Variants in SDK1 observed in about 807,000 individuals in gnomAD.
SDK1 encodes protein sidekick-1.
A neutral mutation model predicts 245.5 loss-of-function variants in SDK1; 157 were observed. That is an observed-to-expected ratio of 0.64 (90% CI 0.56 to 0.73). The LOEUF (loss-of-function observed/expected upper bound fraction) is 0.73. Among genes scored for constraint, SDK1 ranks in the 30% least tolerant of loss-of-function variants. SDK1 has a pLI of 0.00. For synonymous variants in SDK1, 1,647 were observed against 1,278.5 expected (o/e 1.29, Z -6.15); for missense variants, 3,583 against 3,002.3 (o/e 1.19, Z -4.52).
intron 1 of SDK1, among the ~76,000 whole-genome samples, chr7:3,403,986 G>T (rs866526825): frequency 4.7e-5 from 7 of 150,182 alleles, no homozygotes; most frequent in Admixed American, 4.0e-4. Flanking sequence ...CACAAATTTT[G>T]TGGTTTCCCA....
At chr7:4,150,030 G>A (rs1317190940) in intron 30 of SDK1, among the ~76,000 whole-genome samples, 2 of 152,142 alleles carry the variant, frequency 1.3e-5, no homozygotes, top group African/African-American at 4.8e-5. Flanking sequence ...CATGGGAGAG[G>A]GTTGCATTGA....
chr7:3,711,756 C>T (rs1359490935), intron 4 of SDK1, among the ~76,000 whole-genome samples: 1 of 152,250 alleles, frequency 6.6e-6, no homozygotes, highest in East Asian at 1.9e-4. Context: ...CCTGCAGGCC[C>T]TGGAGGCCAT....
chr7:3,411,261 T>C (rs1279345252), intron 1 of SDK1, among the ~76,000 whole-genome samples: 1 of 152,088 alleles, frequency 6.6e-6, no homozygotes, highest in Admixed American at 6.5e-5. Flanking sequence ...TACATAAGGG[T>C]TGATGCTATC....
At chr7:3,851,545 A>G (rs1469583874) in intron 5 of SDK1, among the ~76,000 whole-genome samples, 1 of 152,170 alleles carries the variant, frequency 6.6e-6, no homozygotes, top group Non-Finnish European at 1.5e-5. Flanking sequence ...CAAGGGAATA[A>G]TAATTGAGAT....
At chr7:3,749,540 C>A (rs1356627288) in intron 4 of SDK1, among the ~76,000 whole-genome samples, 1 of 152,134 alleles carries the variant, frequency 6.6e-6, no homozygotes, top group Non-Finnish European at 1.5e-5. Context: ...ACCTCGTGAT[C>A]CGCCCGCCTT....
chr7:3,382,459 G>A (rs766742557), intron 1 of SDK1, among the ~76,000 whole-genome samples: 8 of 152,098 alleles, frequency 5.3e-5, no homozygotes, highest in Non-Finnish European at 7.4e-5. Context: ...ATAAAACATC[G>A]GCATTTTTAT....
At chr7:3,942,531 G>C (rs543933625) in intron 5 of SDK1, among the ~76,000 whole-genome samples, 2 of 152,306 alleles carry the variant, frequency 1.3e-5, no homozygotes, top group African/African-American at 4.8e-5. Flanking sequence ...AGAAGCCAAA[G>C]AACATATTGC....
chr7:3,475,447 C>A (rs1382266512), intron 1 of SDK1, among the ~76,000 whole-genome samples: 1 of 152,226 alleles, frequency 6.6e-6, no homozygotes, highest in Non-Finnish European at 1.5e-5. Context: ...TGGAGCACGT[C>A]TCTCTCACTT....
chr7:3,438,413 A>C lies in SDK1; in HGVS notation c.298+136529A>C, dbSNP rs76364794. Among the ~76,000 whole-genome samples the C allele has an allele frequency of 9.7e-3, 1,480 of 152,272 alleles. 24 individuals carry two copies. Among genetic ancestry groups the C allele is most frequent in the African/African-American group, 0.034 (1,394 of 41,550 alleles). On this transcript the variant is annotated intron_variant, in intron 1 of 44. Coordinates refer to ENST00000404826, the MANE Select transcript of SDK1 (RefSeq NM_152744.4). ...ACAATGATGTATTCTAGATTCTAACATTTACATATGAGAGAAGCTTCATAA... is the reference window on the plus strand; with the variant it reads ...ACAATGATGTATTCTAGATTCTAACCTTTACATATGAGAGAAGCTTCATAA...
chr7:3,420,695 T>G (rs1404757572), intron 1 of SDK1, among the ~76,000 whole-genome samples: 1 of 152,228 alleles, frequency 6.6e-6, no homozygotes, highest in African/African-American at 2.4e-5. Flanking sequence ...ATTATATTCT[T>G]TTTTAACATA....
chr7:3,593,853 G>A (rs142059130), intron 1 of SDK1, among the ~76,000 whole-genome samples: 1 of 152,228 alleles, frequency 6.6e-6, no homozygotes, highest in African/African-American at 2.4e-5. Context: ...GAACCCCTGT[G>A]TGCCCGTTTT....
At chr7:3,375,820 C>G (rs1781342382) in intron 1 of SDK1, among the ~76,000 whole-genome samples, 1 of 152,168 alleles carries the variant, frequency 6.6e-6, no homozygotes, top group Non-Finnish European at 1.5e-5. Flanking sequence ...GTGGATACAG[C>G]TAAACCAGAG....
chr7:3,703,435 T>C (rs774318605), intron 4 of SDK1, among the ~76,000 whole-genome samples: 1 of 152,206 alleles, frequency 6.6e-6, no homozygotes, highest in Non-Finnish European at 1.5e-5. Context: ...TTGAACTAAC[T>C]AGTGGATGCC....
At chr7:3,890,624 G>C (rs1047211821) in intron 5 of SDK1, among the ~76,000 whole-genome samples, 5 of 151,194 alleles carry the variant, frequency 3.3e-5, no homozygotes, top group South Asian at 2.1e-4. Context: ...CTGGGATATT[G>C]TATTTGTTTT....
intron 5 of SDK1, among the ~76,000 whole-genome samples, chr7:3,917,249 G>A (rs1779416593): frequency 6.6e-6 from 1 of 152,162 alleles, no homozygotes; most frequent in South Asian, 2.1e-4. Flanking sequence ...TTATAGGCAG[G>A]TGTCTCTATT....
intron 4 of SDK1, among the ~76,000 whole-genome samples, chr7:3,724,704 G>A (rs1372517076): frequency 6.6e-6 from 1 of 152,146 alleles, no homozygotes; most frequent in Non-Finnish European, 1.5e-5. Flanking sequence ...TCAGAGACAC[G>A]GGCTGCTTGG....
intron 18 of SDK1, among the ~76,000 whole-genome samples, chr7:4,051,247 G>T (rs974424147): frequency 1.4e-5 from 2 of 139,882 alleles, no homozygotes; most frequent in Admixed American, 7.4e-5. Flanking sequence ...ATAGTATATA[G>T]GTTGTATATA....
chr7:3,735,457 A>C (rs1177915420), intron 4 of SDK1, among the ~76,000 whole-genome samples: 1 of 152,156 alleles, frequency 6.6e-6, no homozygotes, highest in Non-Finnish European at 1.5e-5. Flanking sequence ...CACTTGGTAT[A>C]ATGTCTCCAA....
At position 3,858,385 on chromosome 7, in the gene SDK1, C is replaced by A. The variant is rs564221482; in HGVS notation, c.847+36802C>A. On this transcript the variant is annotated intron_variant, in intron 5 of 44. Coordinates refer to ENST00000404826, the MANE Select transcript of SDK1 (RefSeq NM_152744.4). ...TGGGCCACATAGTGAGACCCCATCT[C>A]AAAAAAACAAAACTGCAAAACAATA... is the stretch of plus-strand genomic sequence containing the variant. 4.6e-5 allele frequency among the ~76,000 whole-genome samples: 7 copies of A among 151,200 alleles called. No homozygotes were observed. In the East Asian group the frequency reaches 1.4e-3, roughly 29 times the overall value.
Sources: gnomAD v4.1 joint callset for allele counts (sites outside exome capture counted in the v4.1 genomes callset) on GRCh38, gnomAD v4.1.1 for gene constraint, MANE v1.5 for transcripts, NCBI Gene and HGNC (gene_info 2026-07-23, HGNC 2026-07-21) for gene names.